CNKSR3: variants seen among roughly 807,000 people sequenced by gnomAD.
CNKSR3 encodes the protein connector enhancer of kinase suppressor of ras 3.
Under a neutral mutation model 67.7 loss-of-function variants are expected in CNKSR3, and 36 were observed. The observed-to-expected ratio is 0.53, with a 90% CI of 0.41 to 0.70. The LOEUF (loss-of-function observed/expected upper bound fraction) is 0.70. Among genes scored for constraint, CNKSR3 ranks in the 30% least tolerant of loss-of-function variants. The pLI is 0.00. For synonymous variants in CNKSR3, 281 were observed against 271.4 expected, an observed-to-expected ratio of 1.04 and a Z score of -0.35; for missense variants, 630 against 695.2, an observed-to-expected ratio of 0.91 and a Z score of 1.05.
At chr6:154,436,267 G>A (rs544965162) in intron 4 of CNKSR3, among the ~76,000 whole-genome samples, 1 of 152,290 alleles carries the variant, frequency 6.6e-6, no homozygotes, top group South Asian at 2.1e-4. Context: ...CGCTTCCCAA[G>A]CTCAAGCAAT....
At chr6:154,425,062 G>A (rs1176985855) in intron 7 of CNKSR3, among the ~76,000 whole-genome samples, 7 of 152,126 alleles carry the variant, frequency 4.6e-5, no homozygotes, top group Non-Finnish European at 8.8e-5. Context: ...GTGAGCCACC[G>A]CACCCGGCTC....
intron 1 of CNKSR3, among the ~76,000 whole-genome samples, chr6:154,460,054 C>G (rs1232876706): frequency 3.3e-5 from 5 of 152,238 alleles, no homozygotes; most frequent in Admixed American, 6.5e-5. Flanking sequence ...CCCCCACCCC[C>G]TCCTGGGACC....
At chr6:154,485,765 G>A (rs1315426874) in intron 1 of CNKSR3, among the ~76,000 whole-genome samples, 1 of 152,184 alleles carries the variant, frequency 6.6e-6, no homozygotes, top group Non-Finnish European at 1.5e-5. Context: ...AGCAACTCTG[G>A]TGACTAAGGA....
chr6:154,461,273 G>A (rs775072493), intron 1 of CNKSR3, among the ~76,000 whole-genome samples: 33 of 152,130 alleles, frequency 2.2e-4, no homozygotes, highest in Non-Finnish European at 4.1e-4. Flanking sequence ...AGATCCTTGT[G>A]GGGTCTGAGG....
chr6:154,503,590 G>A (rs1019076746), intron 1 of CNKSR3, among the ~76,000 whole-genome samples: 3 of 150,458 alleles, frequency 2.0e-5, no homozygotes, highest in Non-Finnish European at 2.9e-5. Flanking sequence ...AGCTATGATC[G>A]TACCACTGCT....
intron 2 of CNKSR3, among the ~76,000 whole-genome samples, chr6:154,443,149 C>T (rs1036145823): frequency 2.0e-5 from 3 of 152,138 alleles, no homozygotes; most frequent in African/African-American, 2.4e-5. Context: ...ATGCCCCCCT[C>T]GGCCTCTCAA....
At position 154,406,067 on chromosome 6, in the gene CNKSR3, G is replaced by C; in HGVS notation, c.*287C>G. On this transcript the variant is annotated 3_prime_UTR_variant, in exon 13 of 13. Transcript: ENST00000607772. ...GACCATAACGTCTCTGGCCAGGACT[G>C]CGATTTCTAGCGCGTGTCTTCACAT... is the stretch of plus-strand genomic sequence containing the variant. 2.6e-6 allele frequency: 1 copy of C among 380,028 alleles called. No individual in the cohort carries two copies. Among genetic ancestry groups the C allele is most frequent in the Non-Finnish European group, 4.8e-6 (1 of 207,930 alleles). The allele number at this position is 380,028 out of a possible 1,614,324, so 23.5% of individuals were successfully genotyped here.
intron 1 of CNKSR3, among the ~76,000 whole-genome samples, chr6:154,465,950 G>A (rs574439923): frequency 1.3e-5 from 2 of 152,228 alleles, no homozygotes; most frequent in Non-Finnish European, 2.9e-5. Context: ...ATGTTTGAAT[G>A]TATCTCTAGA....
rs892737080 is a variant in CNKSR3, at chr6:154,399,256, G to C, written c.*7098C>G. The C allele has an allele frequency of 4.6e-5, 7 of 152,172 alleles. No individual in the cohort carries two copies. Among genetic ancestry groups the C allele is most frequent in the Non-Finnish European group, 1.0e-4 (7 of 68,046 alleles). 9.4% of individuals were successfully genotyped at this position (152,172 alleles called of 1,614,324 possible). On this transcript the variant is annotated 3_prime_UTR_variant, in exon 13 of 13. Transcript: ENST00000607772. The stretch of plus-strand genomic sequence containing the variant: ...ATTATTTTGCTGCTTATGGACAAAA[G>C]AATGAGCAATTTCCTGTTGGCCAGC...
intron 1 of CNKSR3, among the ~76,000 whole-genome samples, chr6:154,468,393 TACAC>T (rs55806681): frequency 0.05 from 6,810 of 137,272 alleles, 204 homozygotes; most frequent in Middle Eastern, 0.081. Context: ...ATATATTTTA[TACAC>T]ACACACACAC....
chr6:154,510,047 C>T lies in CNKSR3; in HGVS notation c.52+16G>A. 1.2e-6 allele frequency: 2 copies of T among 1,614,062 alleles called. No individual in the cohort carries two copies. The highest frequency in any genetic ancestry group is 1.7e-6 in the Non-Finnish European group (2 of 1,179,960). Reference sequence around the variant, plus strand: ...CCGAGGCTGGAGGACTCCGGACCCCCCCAAGGCCCGCGCACCTCTAGTCCA... The same window carrying T: ...CCGAGGCTGGAGGACTCCGGACCCCTCCAAGGCCCGCGCACCTCTAGTCCA... On this transcript the variant is annotated intron_variant, in intron 1 of 12. Transcript: ENST00000607772.
rs1784716456 is a variant in CNKSR3 at position 154,401,425 on chromosome 6, C to T, written c.*4929G>A. 1 of 152,816 alleles carries T rather than the reference C, an allele frequency of 6.5e-6. No homozygotes were observed. The highest frequency in any genetic ancestry group is 1.5e-5 in the Non-Finnish European group (1 of 68,578). 9.5% of individuals were successfully genotyped at this position (152,816 alleles called of 1,614,324 possible). A position where few individuals can be genotyped will look rare whatever the true frequency, so the allele number is the denominator to read the frequency against. On this transcript the variant is annotated 3_prime_UTR_variant, in exon 13 of 13. Transcript: ENST00000607772. ...CAGCAAACCAGGGTAAGGGTGCTCA[C>T]CAGGAACTCACCTTGATCTTGGACT...
At chr6:154,465,140 CAAAAAAAAA>C (rs59986165) in intron 1 of CNKSR3, among the ~76,000 whole-genome samples, 2 of 69,076 alleles carry the variant, frequency 2.9e-5, no homozygotes, top group Admixed American at 3.6e-4. Flanking sequence ...GATTCTGTCT[CAAAAAAAAA>C]AAAAAAAAAA....
chr6:154,493,169 C>G (rs563352338), intron 1 of CNKSR3, among the ~76,000 whole-genome samples: 1 of 152,142 alleles, frequency 6.6e-6, no homozygotes, highest in East Asian at 1.9e-4. Flanking sequence ...GAACACTGAC[C>G]GTCTCAGGAC....
chr6:154,504,603 A>C (rs1335199683), intron 1 of CNKSR3, among the ~76,000 whole-genome samples: 1 of 152,218 alleles, frequency 6.6e-6, no homozygotes, highest in Non-Finnish European at 1.5e-5. Context: ...GAGAGCCCCA[A>C]GGAGACCACA....
At chr6:154,469,861 C>T (rs1480079210) in intron 1 of CNKSR3, among the ~76,000 whole-genome samples, 1 of 152,142 alleles carries the variant, frequency 6.6e-6, no homozygotes, top group Non-Finnish European at 1.5e-5. Flanking sequence ...AGAAGTTTTA[C>T]AGATAACATA....
chr6:154,505,687 AG>A (rs1377601449), intron 1 of CNKSR3, among the ~76,000 whole-genome samples: 1 of 150,634 alleles, frequency 6.6e-6, no homozygotes. Context: ...TTTTTAGTAG[AG>A]ATGGGGTTTC....
Position 154,489,563 on chromosome 6 carries a change from G to C in CNKSR3, c.52+20500C>G, listed in dbSNP as rs542308161. 2.2e-3 allele frequency among the ~76,000 whole-genome samples: 325 copies of C among 148,110 alleles called. 1 individual carries two copies. The highest frequency in any genetic ancestry group is 7.9e-3 in the African/African-American group (315 of 40,026). ...ACAAACAAACAAACAAACAAACAAA[G>C]TCACTCTATTGTATATTAGCGTATG... On this transcript the variant is annotated intron_variant, in intron 1 of 12. Coordinates refer to ENST00000607772, the MANE Select transcript of CNKSR3 (RefSeq NM_173515.4).
chr6:154,418,485 CA>C (rs1785069005), intron 9 of CNKSR3, among the ~76,000 whole-genome samples: 1 of 152,272 alleles, frequency 6.6e-6, no homozygotes, highest in Admixed American at 6.5e-5. Flanking sequence ...TCCCATCCGC[CA>C]ATGCAAATCC....
Sources: gnomAD v4.1 joint callset for allele counts (sites outside exome capture counted in the v4.1 genomes callset) on GRCh38, gnomAD v4.1.1 for gene constraint, MANE v1.5 for transcripts, NCBI Gene and HGNC (gene_info 2026-07-23, HGNC 2026-07-21) for gene names.